The following KHDRBS2 variants were observed in gnomAD, a reference collection of about 807,000 sequenced individuals.
The protein encoded by KHDRBS2 is KH RNA binding domain containing, signal transduction associated 2, also known as KH domain-containing, RNA-binding, signal transduction-associated protein 2.
In KHDRBS2, 26 loss-of-function variants were observed where a neutral mutation model predicts 44.3. The ratio of observed to expected loss-of-function variants is 0.59; its 90% CI spans 0.43 to 0.81. The LOEUF (loss-of-function observed/expected upper bound fraction) is 0.81, where lower values mean the gene tolerates loss of function less well. Among genes scored for constraint, KHDRBS2 ranks in the 40% least tolerant of loss-of-function variants. The pLI is 0.00. For missense variants in KHDRBS2, 476 were observed against 433.1 expected, an observed-to-expected ratio of 1.10 and a Z score of -0.88; for synonymous variants, 194 against 151.1, an observed-to-expected ratio of 1.28 and a Z score of -2.08.
At chr6:61,839,436 A>G (rs1793250650) in intron 6 of KHDRBS2, among the ~76,000 whole-genome samples, 1 of 152,082 alleles carries the variant, frequency 6.6e-6, no homozygotes. Flanking sequence ...GGATTGGTAG[A>G]TAAATGGATA....
intron 7 of KHDRBS2, among the ~76,000 whole-genome samples, chr6:61,716,821 T>C (rs539246844): frequency 6.6e-6 from 1 of 152,234 alleles, no homozygotes; most frequent in African/African-American, 2.4e-5. Context: ...TTTCTGTCCT[T>C]AATGCTGGGC....
intron 2 of KHDRBS2, among the ~76,000 whole-genome samples, chr6:62,169,637 G>A (rs1409489301): frequency 6.6e-6 from 1 of 152,072 alleles, no homozygotes; most frequent in Non-Finnish European, 1.5e-5. Context: ...AAGGGTAAGT[G>A]ACTAGGAGTC....
chr6:61,712,105 G>C (rs371471232), intron 7 of KHDRBS2, among the ~76,000 whole-genome samples: 1 of 151,782 alleles, frequency 6.6e-6, no homozygotes, highest in African/African-American at 2.4e-5. Flanking sequence ...CTCTTTTCAC[G>C]GCAATGGCAA....
intron 7 of KHDRBS2, among the ~76,000 whole-genome samples, chr6:61,699,858 C>T (rs927025131): frequency 1.3e-5 from 2 of 151,934 alleles, no homozygotes; most frequent in African/African-American, 4.8e-5. Context: ...AACATGTTTA[C>T]ATTCAAACTG....
Position 61,943,004 on chromosome 6 carries a change from A to AAGAG in KHDRBS2, c.483+35058_483+35061dup, listed in dbSNP as rs60408267. Among the ~76,000 whole-genome samples the AAGAG allele has an allele frequency of 1.9e-4, 27 of 143,002 alleles. No individual in the cohort carries two copies. The East Asian group carries it at 5.3e-3, about 28-fold the overall frequency. The allele number at this position is 143,002 out of a possible 152,430, so 93.8% of individuals were successfully genotyped here. ...GGGGGAGGTAGGGAAGAAAGAAAGA[A>AAGAG]AGAGAGAGAGAGAGAAAGGAAGGAA... On this transcript the variant is annotated intron_variant, in intron 4 of 8. Transcript: ENST00000281156.
the KHDRBS2 span, among the ~76,000 whole-genome samples, chr6:61,593,241 T>C: frequency 6.6e-6 from 1 of 152,110 alleles, no homozygotes; most frequent in Non-Finnish European, 1.5e-5. Flanking sequence ...CTCCCAACAT[T>C]TATGTCAAGT....
At chr6:61,767,131 G>A (rs935512453) in intron 6 of KHDRBS2, among the ~76,000 whole-genome samples, 5 of 151,976 alleles carry the variant, frequency 3.3e-5, no homozygotes, top group African/African-American at 1.2e-4. Flanking sequence ...ATATCTGGGT[G>A]CTCCAATGTT....
chr6:61,565,094 C>T, the KHDRBS2 span, among the ~76,000 whole-genome samples: 3 of 152,018 alleles, frequency 2.0e-5, no homozygotes, highest in Non-Finnish European at 4.4e-5. Context: ...ACAAATGGTG[C>T]TAGGAAAACT....
chr6:61,951,106 A>G (rs1012568169), intron 4 of KHDRBS2, among the ~76,000 whole-genome samples: 1 of 152,070 alleles, frequency 6.6e-6, no homozygotes, highest in African/African-American at 2.4e-5. Flanking sequence ...ATGGTTCTAT[A>G]AATACTTTCA....
At chr6:62,043,726 G>T (rs1157917083) in intron 3 of KHDRBS2, among the ~76,000 whole-genome samples, 1 of 151,918 alleles carries the variant, frequency 6.6e-6, no homozygotes, top group Non-Finnish European at 1.5e-5. Flanking sequence ...ATAACACAAA[G>T]AAAAACATTA....
At chr6:61,880,755 A>G (rs1189067836) in intron 6 of KHDRBS2, among the ~76,000 whole-genome samples, 1 of 151,954 alleles carries the variant, frequency 6.6e-6, no homozygotes, top group Non-Finnish European at 1.5e-5. Flanking sequence ...ACAGTAAACT[A>G]TACTCCTGTC....
chr6:61,591,024 A>G, the KHDRBS2 span, among the ~76,000 whole-genome samples: 1 of 152,222 alleles, frequency 6.6e-6, no homozygotes, highest in Non-Finnish European at 1.5e-5. Context: ...AGCATCATTT[A>G]CATTCTTTCT....
intron 6 of KHDRBS2, among the ~76,000 whole-genome samples, chr6:61,803,288 A>C (rs1786581694): frequency 6.6e-6 from 1 of 152,192 alleles, no homozygotes; most frequent in Non-Finnish European, 1.5e-5. Context: ...AAGAAGTGTA[A>C]GAATCAAGGT....
At position 62,166,069 on chromosome 6, in the gene KHDRBS2, T is replaced by C. The variant is rs199901435; in HGVS notation, c.219+11116A>G. Among the ~76,000 whole-genome samples the C allele has an allele frequency of 9.2e-5, 14 of 152,186 alleles. No individual in the cohort carries two copies. The East Asian group carries it at 2.7e-3, about 29-fold the overall frequency. The stretch of plus-strand genomic sequence containing the variant: ...AAGTAGAATCATATATTTGTTCTTT[T>C]TGACTGGTTTATTTTATTTAGCATA... On this transcript the variant is annotated intron_variant, in intron 2 of 8. Transcript: ENST00000281156.
the KHDRBS2 span, among the ~76,000 whole-genome samples, chr6:61,619,379 T>C: frequency 1.3e-5 from 2 of 152,100 alleles, no homozygotes; most frequent in Non-Finnish European, 1.5e-5. Context: ...CATTCCTATG[T>C]TATTTCACTT....
chr6:61,735,576 T>C lies in KHDRBS2; in HGVS notation c.811-2812A>G, dbSNP rs189455895. Among the ~76,000 whole-genome samples, 296 of 152,284 alleles carry C rather than the reference T, an allele frequency of 1.9e-3. 2 individuals carry two copies. Among genetic ancestry groups the C allele is most frequent in the African/African-American group, 6.7e-3 (279 of 41,580 alleles). On this transcript the variant is annotated intron_variant, in intron 6 of 8. Transcript: ENST00000281156. ...TTTAGTGTTTTTAGAGCTAGCATAGTTCCCCAACCTTTTATTGCTTCCCAA... is the reference window on the plus strand; with the variant it reads ...TTTAGTGTTTTTAGAGCTAGCATAGCTCCCCAACCTTTTATTGCTTCCCAA...
chr6:62,206,071 T>G (rs1271394837), intron 1 of KHDRBS2, among the ~76,000 whole-genome samples: 1 of 152,164 alleles, frequency 6.6e-6, no homozygotes, highest in Non-Finnish European at 1.5e-5. Flanking sequence ...GTTTACATAT[T>G]AGAAATAAAC....
At chr6:62,047,145 C>T (rs1216465081) in intron 3 of KHDRBS2, among the ~76,000 whole-genome samples, 1 of 151,850 alleles carries the variant, frequency 6.6e-6, no homozygotes, top group Non-Finnish European at 1.5e-5. Context: ...AAAGTGTGGC[C>T]TGGTCAAATG....
At chr6:61,770,450 C>T (rs1026635857) in intron 6 of KHDRBS2, among the ~76,000 whole-genome samples, 45 of 151,990 alleles carry the variant, frequency 3.0e-4, no homozygotes, top group African/African-American at 1.0e-3. Context: ...AAAAATTAGA[C>T]GAATGGATAA....
Sources: allele counts gnomAD v4.1 joint callset (sites outside exome capture counted in the v4.1 genomes callset), GRCh38; gene constraint gnomAD v4.1.1; transcripts MANE v1.5; gene names NCBI Gene and HGNC (gene_info 2026-07-23, HGNC 2026-07-21).